LMTK2: variants seen among roughly 807,000 people sequenced by gnomAD.
The protein encoded by LMTK2 is serine/threonine-protein kinase LMTK2.
LMTK2 carries 37 observed loss-of-function variants against 127.5 expected under a neutral mutation model. The ratio of observed to expected loss-of-function variants is 0.29; its 90% CI spans 0.22 to 0.38. The LOEUF is 0.38. Among genes scored for constraint, LMTK2 ranks in the 10% least tolerant of loss-of-function variants. The pLI, the probability that LMTK2 is intolerant of heterozygous loss-of-function variation, is 1.00. For synonymous variants in LMTK2, 819 were observed against 810.1 expected (o/e 1.01, Z -0.19); for missense variants, 1,694 against 1,920.3 (o/e 0.88, Z 2.20).
rs114063903 is a variant in LMTK2, at chr7:98,199,621, A to G, written c.4108-3953A>G. Among the ~76,000 whole-genome samples the G allele has an allele frequency of 2.1e-3, 316 of 152,264 alleles. 3 individuals are homozygous for G. Among genetic ancestry groups the G allele is most frequent in the African/African-American group, 7.3e-3 (304 of 41,540 alleles). On this transcript the variant is annotated intron_variant, in intron 11 of 13. Transcript: ENST00000297293. ...GCAGTCCTCCTGCCTCAGCCCCACA[A>G]GTAACTGGGACTACGGGTGCACACC...
intron 13 of LMTK2, 24 bp from the exon 14 acceptor site, chr7:98,205,440 T>C: frequency 6.2e-7 from 1 of 1,613,692 alleles, no homozygotes; most frequent in African/African-American, 1.3e-5. Context: ...AGCTTTGTCG[T>C]CTCGCTTCCT....
chr7:98,147,467 CT>C (rs1796790898), intron 3 of LMTK2, among the ~76,000 whole-genome samples: 1 of 152,170 alleles, frequency 6.6e-6, no homozygotes. Context: ...TCAAGCAGTC[CT>C]CCCACCTTAG....
chr7:98,176,854 A>G (rs1185970141), intron 7 of LMTK2, among the ~76,000 whole-genome samples: 1 of 152,178 alleles, frequency 6.6e-6, no homozygotes, highest in African/African-American at 2.4e-5. Flanking sequence ...CTCAATAATA[A>G]TAATGATTTA....
chr7:98,203,492 C>G (rs978124372), intron 11 of LMTK2, 82 bp from the exon 12 acceptor site: 1 of 1,480,346 alleles, frequency 6.8e-7, no homozygotes, highest in Non-Finnish European at 9.0e-7. Flanking sequence ...GAGTCTGATG[C>G]GCCTGCCAGT....
At chr7:98,203,033 T>C (rs921254279) in intron 11 of LMTK2, among the ~76,000 whole-genome samples, 2 of 152,138 alleles carry the variant, frequency 1.3e-5, no homozygotes, top group African/African-American at 4.8e-5. Context: ...GAGAGGAGGC[T>C]TCATGGCCCT....
At chr7:98,112,985 T>C (rs1796224850) in intron 1 of LMTK2, among the ~76,000 whole-genome samples, 1 of 151,736 alleles carries the variant, frequency 6.6e-6, no homozygotes, top group South Asian at 2.1e-4. Context: ...GCCTCCTGAG[T>C]AGGTGTGTGT....
At chr7:98,191,450 G>A (rs920079559) in intron 10 of LMTK2, among the ~76,000 whole-genome samples, 164 bp from the exon 11 acceptor site, 1 of 152,084 alleles carries the variant, frequency 6.6e-6, no homozygotes, top group African/African-American at 2.4e-5. Context: ...TGCTCGGGAG[G>A]CTGAGGCAAG....
Position 98,193,651 on chromosome 7 carries a change from C to T in LMTK2, c.3186C>T (p.Gly1062=), listed in dbSNP as rs375770232. The change falls in exon 11 of 14, where the codon GGC becomes GGT. Residue 1062 remains glycine (G), a synonymous_variant. Coordinates refer to ENST00000297293, the MANE Select transcript of LMTK2 (RefSeq NM_014916.4). This position sits in a 1 kb window ranked among gnomAD's most constrained non-coding sequence, Gnocchi z 4.1. ...ADSEPATTGD[G]GHSGLPPNPV... is the part of the protein sequence containing the mutation. Reference sequence around the variant, plus strand: ...CAGAACCAGCCACCACGGGCGATGGCGGCCACAGCGGTCTGCCTCCCAACC... The same window carrying T: ...CAGAACCAGCCACCACGGGCGATGGTGGCCACAGCGGTCTGCCTCCCAACC... 2.7e-5 allele frequency: 43 copies of T among 1,613,870 alleles called. 1 individual carries two copies. Among genetic ancestry groups the T allele is most frequent in the African/African-American group, 1.6e-4 (12 of 75,022 alleles).
At chr7:98,159,274 T>G in intron 5 of LMTK2, 64 bp from the exon 6 acceptor site, 1 of 1,020,830 alleles carries the variant, frequency 9.8e-7, no homozygotes, top group Non-Finnish European at 1.5e-6. Context: ...TAGTATGCTT[T>G]TGTTTGAATA....
chr7:98,125,281 T>C (rs1328549330), intron 1 of LMTK2, among the ~76,000 whole-genome samples: 2 of 147,698 alleles, frequency 1.4e-5, no homozygotes, highest in Non-Finnish European at 3.0e-5. Flanking sequence ...CCAGCCTGGG[T>C]GACAGAGCGA....
chr7:98,169,504 C>G (rs560696172), intron 6 of LMTK2, among the ~76,000 whole-genome samples: 1 of 152,372 alleles, frequency 6.6e-6, no homozygotes, highest in African/African-American at 2.4e-5. Context: ...TGGCCAGATT[C>G]AGCCCAGCAA....
Position 98,192,475 on chromosome 7 carries a change from T to C in LMTK2, c.2010T>C (p.Ser670=), listed in dbSNP as rs773404012. ...VQADFKPATL[S]SSLDNPKESV... is the part of the protein sequence containing the mutation. Reference sequence around the variant, plus strand: ...CCGACTTTAAACCTGCCACTTTAAGTTCCAGTTTGGATAACCCCAAAGAGT... The same window carrying C: ...CCGACTTTAAACCTGCCACTTTAAGCTCCAGTTTGGATAACCCCAAAGAGT... The change falls in exon 11 of 14, where the codon AGT becomes AGC. Residue 670 remains serine (S), a synonymous_variant. Coordinates refer to ENST00000297293, the MANE Select transcript of LMTK2 (RefSeq NM_014916.4). 25 of 1,611,302 alleles carry C rather than the reference T, an allele frequency of 1.6e-5. No individual in the cohort carries two copies. Among genetic ancestry groups the C allele is most frequent in the African/African-American group, 2.7e-5 (2 of 74,708 alleles).
chr7:98,145,729 A>G (rs1050351353), intron 3 of LMTK2, among the ~76,000 whole-genome samples: 2 of 152,214 alleles, frequency 1.3e-5, no homozygotes, highest in African/African-American at 4.8e-5. Context: ...AATAACATGA[A>G]TTACAAATAT....
intron 6 of LMTK2, among the ~76,000 whole-genome samples, chr7:98,162,527 G>A (rs918549362): frequency 6.6e-6 from 1 of 152,174 alleles, no homozygotes; most frequent in Non-Finnish European, 1.5e-5. Context: ...ATGAGCAGAT[G>A]TGACTTCATG....
At chr7:98,201,401 A>T (rs1426751049) in intron 11 of LMTK2, among the ~76,000 whole-genome samples, 2 of 152,156 alleles carry the variant, frequency 1.3e-5, no homozygotes, top group African/African-American at 4.8e-5. Context: ...TTGAAATCCC[A>T]AGTGCTCCAG....
intron 5 of LMTK2, among the ~76,000 whole-genome samples, chr7:98,155,101 G>A (rs957516307): frequency 7.9e-5 from 12 of 152,170 alleles, no homozygotes; most frequent in African/African-American, 2.9e-4. Flanking sequence ...CAACACAGAT[G>A]ACAGAGATGT....
intron 6 of LMTK2, among the ~76,000 whole-genome samples, chr7:98,167,859 G>A (rs564454462): frequency 6.6e-6 from 1 of 152,202 alleles, no homozygotes; most frequent in Non-Finnish European, 1.5e-5. Context: ...CCAGTGGGGG[G>A]GCCGAGGAAG....
At chr7:98,205,336 T>G (rs1562925869) in intron 13 of LMTK2, 128 bp from the exon 14 acceptor site, 2 of 1,093,586 alleles carry the variant, frequency 1.8e-6, no homozygotes, top group East Asian at 4.8e-5. Flanking sequence ...GAAGGGCGGC[T>G]CAGGCGGTGC....
chr7:98,190,616 ATCT>A, intron 9 of LMTK2, 109 bp from the exon 10 acceptor site: 1 of 983,012 alleles, frequency 1.0e-6, no homozygotes, highest in South Asian at 1.5e-5. Flanking sequence ...CCTATTAATA[ATCT>A]TTTCAATACA....
Sources: gnomAD v4.1 joint callset for allele counts (sites outside exome capture counted in the v4.1 genomes callset) on GRCh38, gnomAD v4.1.1 for gene constraint, Gnocchi (gnomAD v3.1) non-coding constraint, MANE v1.5 for transcripts, NCBI Gene and HGNC (gene_info 2026-07-23, HGNC 2026-07-21) for gene names.